Variants in CAPS2 observed in about 807,000 individuals in gnomAD.
CAPS2 encodes the protein calcyphosin-2.
A neutral mutation model predicts 86.5 loss-of-function variants in CAPS2; 98 were observed. The ratio of observed to expected loss-of-function variants is 1.13; its 90% CI spans 0.96 to 1.34. CAPS2 has a LOEUF of 1.34. CAPS2 is among the 40% of genes most tolerant of loss of function. The probability of loss-of-function intolerance (pLI) is 0.00; values close to 1 mark genes in which losing one functional copy is unlikely to be tolerated. For missense variants in CAPS2, 729 were observed against 686.8 expected, an observed-to-expected ratio of 1.06 and a Z score of -0.69; for synonymous variants, 210 against 225.1, an observed-to-expected ratio of 0.93 and a Z score of 0.60.
rs377544677 is a variant in CAPS2, at chr12:75,294,797, A to G, written c.1045-1430T>C. Among the ~76,000 whole-genome samples the G allele has an allele frequency of 2.0e-5, 3 of 152,246 alleles. No individual in the cohort carries two copies. In the East Asian group the frequency reaches 5.8e-4, roughly 29 times the overall value. ...GGAGGTGAGCCCTTTCCTCCCCATC[A>G]TAATGCTCATTGCCTACATCCCTGT... is the stretch of plus-strand genomic sequence containing the variant. On this transcript the variant is annotated intron_variant, in intron 11 of 16. Transcript: ENST00000393284.
chr12:75,315,580 T>C (rs2039675761), intron 6 of CAPS2, among the ~76,000 whole-genome samples: 1 of 152,182 alleles, frequency 6.6e-6, no homozygotes, highest in Non-Finnish European at 1.5e-5. Context: ...ATATATTGAA[T>C]TGCCACTCAA....
At chr12:75,370,235 T>C in intron 1 of CAPS2, 1 of 853,002 alleles carries the variant, frequency 1.2e-6, no homozygotes, top group Admixed American at 1.9e-5. Context: ...GTTTATTGCT[T>C]AATATAACTT....
chr12:75,307,626 C>T (rs2038662967), intron 7 of CAPS2, among the ~76,000 whole-genome samples: 1 of 152,114 alleles, frequency 6.6e-6, no homozygotes, highest in East Asian at 1.9e-4. Flanking sequence ...CTGACTTGAT[C>T]TTTACAAATT....
At chr12:75,359,010 C>T (rs958718035) in intron 1 of CAPS2, among the ~76,000 whole-genome samples, 1 of 149,572 alleles carries the variant, frequency 6.7e-6, no homozygotes, top group Non-Finnish European at 1.5e-5. Flanking sequence ...GACCATAGGA[C>T]AGATTTGGCC....
chr12:75,384,778 C>T (rs1002847807), intron 1 of CAPS2, among the ~76,000 whole-genome samples: 7 of 152,146 alleles, frequency 4.6e-5, no homozygotes, highest in African/African-American at 1.7e-4. Context: ...AAATTGAATT[C>T]AACAACGTAT....
chr12:75,325,410 A>G (rs2040674301), intron 1 of CAPS2, 122 bp from the exon 3 acceptor site: 2 of 840,536 alleles, frequency 2.4e-6, no homozygotes, highest in South Asian at 4.4e-5. Flanking sequence ...TAAATTCTAT[A>G]TAATAAATAC....
Position 75,336,136 on chromosome 12 carries a change from A to G in CAPS2, c.-394-12914T>C, listed in dbSNP as rs530965530. Among the ~76,000 whole-genome samples the G allele has an allele frequency of 1.6e-4, 24 of 152,116 alleles. No homozygotes were observed. The South Asian group carries it at 5.0e-3, about 31-fold the overall frequency. ...GTTCCTTATATTGTTAAGAATCACA[A>G]TAATATTTCTGGATGGACCGTGAGA... On this transcript the variant is annotated intron_variant, in intron 1 of 5. Transcript: ENST00000551829.
upstream of CAPS2, among the ~76,000 whole-genome samples, chr12:75,333,107 T>C (rs2041446827): frequency 6.6e-6 from 1 of 152,162 alleles, no homozygotes; most frequent in African/African-American, 2.4e-5. Flanking sequence ...GGACTTCAGA[T>C]TTTTTATTGT....
intron 1 of CAPS2, among the ~76,000 whole-genome samples, chr12:75,374,892 T>G (rs1015862974): frequency 6.6e-6 from 1 of 152,156 alleles, no homozygotes; most frequent in Non-Finnish European, 1.5e-5. Context: ...GAGTCAACAC[T>G]TGGTTAAGCC....
rs557974045 is a variant in CAPS2, at chr12:75,318,577, T to C, written c.469-2143A>G. ...AACACTCCTACTTCATGACACAGAG[T>C]TTCTCTTGACTAGCCTGCTCCTCAG... is the stretch of plus-strand genomic sequence containing the variant. On this transcript the variant is annotated intron_variant, in intron 5 of 16. Coordinates refer to ENST00000393284, the Ensembl canonical transcript of CAPS2. Among the ~76,000 whole-genome samples the C allele has an allele frequency of 4.6e-5, 7 of 151,938 alleles. No individual in the cohort carries two copies. The South Asian group carries it at 1.0e-3, about 23-fold the overall frequency.
intron 5 of CAPS2, among the ~76,000 whole-genome samples, chr12:75,317,004 T>TA (rs1202840259): frequency 2.0e-5 from 3 of 152,302 alleles, no homozygotes; most frequent in Non-Finnish European, 2.9e-5. Flanking sequence ...TTCAAAAACT[T>TA]AATAGATTAT....
intron 8 of CAPS2, 38 bp from the exon 9 acceptor site, chr12:75,299,949 T>C: frequency 1.2e-6 from 1 of 814,942 alleles, no homozygotes; most frequent in Non-Finnish European, 1.9e-6. Context: ...TTTTTCAAGA[T>C]ACCTATAACT....
chr12:75,389,223 A>G (rs1478295477), intron 1 of CAPS2, among the ~76,000 whole-genome samples: 1 of 152,200 alleles, frequency 6.6e-6, no homozygotes, highest in African/African-American at 2.4e-5. Flanking sequence ...ACCACTCTGT[A>G]TTGTAACTGT....
chr12:75,327,600 T>C (rs2040903848), upstream of CAPS2, among the ~76,000 whole-genome samples: 1 of 151,876 alleles, frequency 6.6e-6, no homozygotes, highest in African/African-American at 2.4e-5. Flanking sequence ...TAGCATGGCA[T>C]CCTGCCAGCT....
At chr12:75,300,430 C>T (rs1169705568) in intron 8 of CAPS2, among the ~76,000 whole-genome samples, 1 of 151,786 alleles carries the variant, frequency 6.6e-6, no homozygotes, top group Non-Finnish European at 1.5e-5. Flanking sequence ...GTGGTGGGCG[C>T]CCGTAGTCTC....
At chr12:75,285,838 C>T (rs771053619) in intron 14 of CAPS2, among the ~76,000 whole-genome samples, 8 of 151,984 alleles carry the variant, frequency 5.3e-5, no homozygotes, top group Non-Finnish European at 4.4e-5. Context: ...ATTATAACCA[C>T]TAATTATATT....
At chr12:75,304,398 A>G (rs1397026035) in intron 8 of CAPS2, among the ~76,000 whole-genome samples, 1 of 152,226 alleles carries the variant, frequency 6.6e-6, no homozygotes, top group Non-Finnish European at 1.5e-5. Flanking sequence ...ATGCAAAACA[A>G]ATCTTATAGT....
At chr12:75,333,269 T>A (rs1447549118), upstream of CAPS2, among the ~76,000 whole-genome samples, 1 of 152,190 alleles carries the variant, frequency 6.6e-6, no homozygotes, top group African/African-American at 2.4e-5. Flanking sequence ...CATATATGTG[T>A]ATACAAACAG....
At chr12:75,355,792 C>G (rs1391676772) in intron 1 of CAPS2, among the ~76,000 whole-genome samples, 1 of 152,142 alleles carries the variant, frequency 6.6e-6, no homozygotes, top group African/African-American at 2.4e-5. Flanking sequence ...GAATACTATG[C>G]AGCCATAAAA....
Sources: gnomAD v4.1 joint callset for allele counts (sites outside exome capture counted in the v4.1 genomes callset) on GRCh38, gnomAD v4.1.1 for gene constraint, MANE v1.5 for transcripts, NCBI Gene and HGNC (gene_info 2026-07-23, HGNC 2026-07-21) for gene names.